Variants in TNFSF12 observed in about 807,000 individuals in gnomAD.
TNFSF12 encodes the protein TNF superfamily member 12, also known as tumor necrosis factor ligand superfamily member 12.
In TNFSF12, 16 loss-of-function variants were observed where a neutral mutation model predicts 31.2. The observed-to-expected ratio is 0.51, with a 90% CI of 0.35 to 0.78. The LOEUF (loss-of-function observed/expected upper bound fraction) is 0.78. TNFSF12 is among the 30% of genes least tolerant of loss of function. The probability of loss-of-function intolerance (pLI) is 0.01; values close to 1 mark genes in which losing one functional copy is unlikely to be tolerated. For synonymous variants in TNFSF12, 150 were observed against 151.4 expected (o/e 0.99, Z 0.07); for missense variants, 324 against 338.8 (o/e 0.96, Z 0.34).
rs1176247633 is a variant in TNFSF12, at chr17:7,549,973, C to G, written c.208-147C>G. 12 of 1,287,228 alleles carry G rather than the reference C, an allele frequency of 9.3e-6. No individual in the cohort carries two copies. Among genetic ancestry groups the G allele is most frequent in the Non-Finnish European group, 1.2e-5 (11 of 916,340 alleles). 79.7% of individuals were successfully genotyped at this position (1,287,228 alleles called of 1,614,324 possible). On this transcript the variant is annotated intron_variant, in intron 2 of 6. Coordinates refer to ENST00000293825, the MANE Select transcript of TNFSF12 (RefSeq NM_003809.3). The surrounding 1 kb of genome is among the most constrained non-coding windows in gnomAD (Gnocchi z 4.1). ...CCTGACTCCCAGCTTCACCTTTGCC[C>G]GGGGCCCCAGCTGTAGTTGGCTGAG...
At position 7,557,492 on chromosome 17, in the gene TNFSF12, A is replaced by G; in HGVS notation, c.*142A>G. ...CTCTAGAGGCTGCCTGGGCCTGTTC[A>G]CGTGTTTTCCATCCCACATAAATAC... On this transcript the variant is annotated 3_prime_UTR_variant, in exon 7 of 7. Transcript: ENST00000293825. The surrounding 1 kb of genome is among the most constrained non-coding windows in gnomAD (Gnocchi z 5.2). 1 of 1,179,280 alleles carries G rather than the reference A, an allele frequency of 8.5e-7. No homozygotes were observed. Among genetic ancestry groups the G allele is most frequent in the Non-Finnish European group, 1.2e-6 (1 of 867,192 alleles). 73.1% of individuals were successfully genotyped at this position (1,179,280 alleles called of 1,614,324 possible).
chr17:7,553,713 G>C (rs2071026716), intron 5 of TNFSF12: 2 of 1,292,188 alleles, frequency 1.5e-6, no homozygotes, highest in South Asian at 2.5e-5. Flanking sequence ...TGGTGCAGGG[G>C]TGAGGGGTCC....
Position 7,549,492 on chromosome 17 carries a change from C to A in TNFSF12, c.178C>A (p.Leu60Met), listed in dbSNP as rs1166343066. The change falls in exon 2 of 7, where the codon CTG (leucine) becomes ATG (methionine). Residue 60 changes from leucine (L) to methionine (M), a missense_variant. Leu to Met is a conservative substitution (Grantham distance 15, BLOSUM62 2). Coordinates refer to ENST00000293825, the MANE Select transcript of TNFSF12 (RefSeq NM_003809.3). This position sits in a 1 kb window ranked among gnomAD's most constrained non-coding sequence, Gnocchi z 4.1. ...CCAGCAGGAGCCTGCCCAGGAGGAGCTGGTGGCAGAGGAGGACCAGGACCC... is the reference window on the plus strand; with the variant it reads ...CCAGCAGGAGCCTGCCCAGGAGGAGATGGTGGCAGAGGAGGACCAGGACCC... Reference protein sequence around the residue: ...LSAQEPAQEELVAEEDQDPSE... With the variant: ...LSAQEPAQEEMVAEEDQDPSE... 1 of 1,546,900 alleles carries A rather than the reference C, an allele frequency of 6.5e-7. No homozygotes were observed. The highest frequency in any genetic ancestry group is 1.2e-5 in the South Asian group (1 of 83,482).
At chr17:7,555,836 A>G (rs2071054937) in intron 5 of TNFSF12, among the ~76,000 whole-genome samples, 1 of 152,026 alleles carries the variant, frequency 6.6e-6, no homozygotes, top group African/African-American at 2.4e-5. Flanking sequence ...GTGTTGGTTG[A>G]GATGAGTTTG....
intron 5 of TNFSF12, among the ~76,000 whole-genome samples, chr17:7,553,132 C>G (rs749009098): frequency 6.9e-6 from 1 of 144,140 alleles, no homozygotes; most frequent in Non-Finnish European, 1.5e-5. Flanking sequence ...TGACCGTAAC[C>G]TCCACCTCCC....
chr17:7,556,973 C>T (rs2071078169), intron 6 of TNFSF12, 71 bp downstream of exon 6: 4 of 1,381,940 alleles, frequency 2.9e-6, no homozygotes, highest in South Asian at 2.6e-5. Flanking sequence ...GAGTGGGGGA[C>T]AAGCTACAGG....
At position 7,557,146 on chromosome 17, in the gene TNFSF12, G is replaced by A. The variant is rs1567722956; in HGVS notation, c.546G>A (p.Leu182=). The A allele has an allele frequency of 6.2e-7, 1 of 1,613,874 alleles. No individual in the cohort carries two copies. The highest frequency in any genetic ancestry group is 8.5e-7 in the Non-Finnish European group (1 of 1,179,972). Residue 182 remains leucine (L), a synonymous_variant, in exon 7 of 7, where the codon CTG becomes CTA. Coordinates refer to ENST00000293825, the MANE Select transcript of TNFSF12 (RefSeq NM_003809.3). This position sits in a 1 kb window ranked among gnomAD's most constrained non-coding sequence, Gnocchi z 5.2. The stretch of plus-strand genomic sequence containing the variant: ...CTGTCTACCTGAAGCTGGACTTGCT[G>A]GTGGATGGTGTGCTGGCCCTGCGCT... The part of the protein sequence containing the change: ...GKAVYLKLDL[L]VDGVLALRCL...
Position 7,550,259 on chromosome 17 carries a change from A to G in TNFSF12, c.283+64A>G, listed in dbSNP as rs926112620. The stretch of plus-strand genomic sequence containing the variant: ...AGCAAAAACCATTATCCACAGGGAG[A>G]AACTGAGGCACGGAGGGTGAAAGGA... On this transcript the variant is annotated intron_variant, in intron 3 of 6. Coordinates refer to ENST00000293825, the MANE Select transcript of TNFSF12 (RefSeq NM_003809.3). The surrounding 1 kb of genome is among the most constrained non-coding windows in gnomAD (Gnocchi z 4.4). The G allele has an allele frequency of 3.1e-6, 5 of 1,611,602 alleles. No individual in the cohort carries two copies. Among genetic ancestry groups the G allele is most frequent in the Middle Eastern group, 3.3e-4 (2 of 6,058 alleles).
Position 7,549,124 on chromosome 17 carries a change from G to C in TNFSF12, c.-30G>C. 1.6e-6 allele frequency: 2 copies of C among 1,247,026 alleles called. No homozygotes were observed. Among genetic ancestry groups the C allele is most frequent in the South Asian group, 6.7e-5 (2 of 30,024 alleles). 77.2% of individuals were successfully genotyped at this position (1,247,026 alleles called of 1,614,324 possible). A position where few individuals can be genotyped will look rare whatever the true frequency, so the allele number is the denominator to read the frequency against. On this transcript the variant is annotated 5_prime_UTR_variant, in exon 1 of 7. Coordinates refer to ENST00000293825, the MANE Select transcript of TNFSF12 (RefSeq NM_003809.3). This position sits in a 1 kb window ranked among gnomAD's most constrained non-coding sequence, Gnocchi z 4.1. ...ATCCCTCGGGTCCCGGGATGGGGGGGCGGTGAGGCAGGCACAGCCCCCCGC... is the reference window on the plus strand; with the variant it reads ...ATCCCTCGGGTCCCGGGATGGGGGGCCGGTGAGGCAGGCACAGCCCCCCGC...
chr17:7,552,527 C>T (rs2071011988), intron 5 of TNFSF12, among the ~76,000 whole-genome samples: 1 of 152,024 alleles, frequency 6.6e-6, no homozygotes, highest in Admixed American at 6.6e-5. Context: ...CAGGGTTTCA[C>T]CGTGTTGGCC....
chr17:7,557,808 C>A lies in TNFSF12; in HGVS notation c.*458C>A, dbSNP rs1454466981. The A allele has an allele frequency of 1.2e-5, 2 of 164,984 alleles. No individual in the cohort carries two copies. Among genetic ancestry groups the A allele is most frequent in the African/African-American group, 4.8e-5 (2 of 41,888 alleles). 10.2% of individuals were successfully genotyped at this position (164,984 alleles called of 1,614,324 possible). The stretch of plus-strand genomic sequence containing the variant: ...GACAAGCTCCTCCCTTGAGAATTCC[C>A]TGTGGATTTTTAAAACAGATATTAT... On this transcript the variant is annotated 3_prime_UTR_variant, in exon 7 of 7. Coordinates refer to ENST00000293825, the MANE Select transcript of TNFSF12 (RefSeq NM_003809.3). The surrounding 1 kb of genome is among the most constrained non-coding windows in gnomAD (Gnocchi z 5.2).
At chr17:7,555,241 T>A (rs1175131756) in intron 5 of TNFSF12, among the ~76,000 whole-genome samples, 1 of 152,134 alleles carries the variant, frequency 6.6e-6, no homozygotes, top group Admixed American at 6.5e-5. Flanking sequence ...GACATGGCTG[T>A]GGAGTCAGGG....
Position 7,557,394 on chromosome 17 carries a change from C to T in TNFSF12, c.*44C>T, listed in dbSNP as rs1191510681. On this transcript the variant is annotated 3_prime_UTR_variant, in exon 7 of 7. Coordinates refer to ENST00000293825, the MANE Select transcript of TNFSF12 (RefSeq NM_003809.3). This position sits in a 1 kb window ranked among gnomAD's most constrained non-coding sequence, Gnocchi z 5.2. ...CAGTCGTCCCAGGCTGCCGGCTCCC[C>T]TCGACAGCTCTCTGGGCACCCGGTC... 2 of 1,536,030 alleles carry T rather than the reference C, an allele frequency of 1.3e-6. No homozygotes were observed. The highest frequency in any genetic ancestry group is 1.4e-5 in the African/African-American group (1 of 73,280).
chr17:7,550,697 A>G lies in TNFSF12; in HGVS notation c.284-102A>G. On this transcript the variant is annotated intron_variant, in intron 3 of 6. Coordinates refer to ENST00000293825, the MANE Select transcript of TNFSF12 (RefSeq NM_003809.3). The surrounding 1 kb of genome is among the most constrained non-coding windows in gnomAD (Gnocchi z 4.4). ...TCTAAGGCCAGGAGTCTGGACAAGA[A>G]TAAGGATGCCAGGGTTCCTGAGAGG... The G allele has an allele frequency of 1.3e-6, 2 of 1,517,798 alleles. No individual in the cohort carries two copies. The highest frequency in any genetic ancestry group is 1.8e-6 in the Non-Finnish European group (2 of 1,118,704). The allele number at this position is 1,517,798 out of a possible 1,614,324, so 94.0% of individuals were successfully genotyped here.
intron 5 of TNFSF12, among the ~76,000 whole-genome samples, chr17:7,551,557 T>G (rs972342074): frequency 1.3e-5 from 2 of 152,206 alleles, no homozygotes. Flanking sequence ...TCATGTTTGC[T>G]GCGCTGACAC....
chr17:7,555,687 A>G (rs113767832), intron 5 of TNFSF12, among the ~76,000 whole-genome samples: 90 of 152,306 alleles, frequency 5.9e-4, no homozygotes, highest in African/African-American at 2.0e-3. Context: ...TTTAGGAGGC[A>G]GGATAGATAG....
At chr17:7,552,306 G>T (rs2071008911) in intron 5 of TNFSF12, among the ~76,000 whole-genome samples, 1 of 151,394 alleles carries the variant, frequency 6.6e-6, no homozygotes, top group Admixed American at 6.6e-5. Context: ...ATAAAGCCAG[G>T]AGTCATGGCC....
chr17:7,551,952 ATT>A (rs1196831266), intron 5 of TNFSF12, among the ~76,000 whole-genome samples: 1 of 151,828 alleles, frequency 6.6e-6, no homozygotes. Flanking sequence ...CGCCTGGCTA[ATT>A]TTTGTATTTT....
chr17:7,549,638 G>C lies in TNFSF12; in HGVS notation c.207+117G>C. 1 of 1,392,922 alleles carries C rather than the reference G, an allele frequency of 7.2e-7. No individual in the cohort carries two copies. Among genetic ancestry groups the C allele is most frequent in the Non-Finnish European group, 9.5e-7 (1 of 1,055,628 alleles). 86.3% of individuals were successfully genotyped at this position (1,392,922 alleles called of 1,614,324 possible). A position where few individuals can be genotyped will look rare whatever the true frequency, so the allele number is the denominator to read the frequency against. On this transcript the variant is annotated intron_variant, in intron 2 of 6. Coordinates refer to ENST00000293825, the MANE Select transcript of TNFSF12 (RefSeq NM_003809.3). The surrounding 1 kb of genome is among the most constrained non-coding windows in gnomAD (Gnocchi z 4.1). ...CTCGAGGTGTGTGCAGGGTGTGTGT[G>C]AACACAGTGCGTGCATGGGTGCGTG...
Sources: gnomAD v4.1 joint callset for allele counts (sites outside exome capture counted in the v4.1 genomes callset) on GRCh38, gnomAD v4.1.1 for gene constraint, Gnocchi (gnomAD v3.1) non-coding constraint, MANE v1.5 for transcripts, NCBI Gene and HGNC (gene_info 2026-07-23, HGNC 2026-07-21) for gene names.